The following RBPJ variants were observed in gnomAD, a reference collection of about 807,000 sequenced individuals.
RBPJ encodes the protein recombination signal binding protein for immunoglobulin kappa J region.
A neutral mutation model predicts 67.8 loss-of-function variants in RBPJ; 9 were observed. The ratio of observed to expected loss-of-function variants is 0.13; its 90% CI spans 0.08 to 0.23. The LOEUF (loss-of-function observed/expected upper bound fraction) is 0.23, where lower values mean the gene tolerates loss of function less well. Among genes scored for constraint, RBPJ ranks in the 10% least tolerant of loss-of-function variants. RBPJ has a pLI of 1.00. For missense variants in RBPJ, 305 were observed against 595.6 expected, an observed-to-expected ratio of 0.51 and a Z score of 5.08; for synonymous variants, 198 against 203.3, an observed-to-expected ratio of 0.97 and a Z score of 0.22.
At chr4:26,334,418 A>C (rs1724589689) in intron 1 of RBPJ, among the ~76,000 whole-genome samples, 1 of 150,586 alleles carries the variant, frequency 6.6e-6, no homozygotes, top group Non-Finnish European at 1.5e-5. Context: ...TTAGGTTTTT[A>C]AATTCTGTAT....
intron 1 of RBPJ, among the ~76,000 whole-genome samples, chr4:26,355,726 C>T (rs1226669260): frequency 5.3e-5 from 8 of 152,172 alleles, no homozygotes; most frequent in Admixed American, 1.3e-4. Context: ...TTATATAAAA[C>T]GTAAGTGAAG....
At chr4:26,279,523 G>T (rs143683649) in intron 1 of RBPJ, among the ~76,000 whole-genome samples, 1 of 152,110 alleles carries the variant, frequency 6.6e-6, no homozygotes, top group Non-Finnish European at 1.5e-5. Context: ...TGATCCACCC[G>T]CCTCGGCCTC....
At chr4:26,191,898 A>G (rs1021450056) in intron 1 of RBPJ, among the ~76,000 whole-genome samples, 1 of 152,196 alleles carries the variant, frequency 6.6e-6, no homozygotes, top group Non-Finnish European at 1.5e-5. Context: ...ATGCCAGCTA[A>G]GGGCCAACCT....
the RBPJ span, among the ~76,000 whole-genome samples, chr4:26,108,403 C>A: frequency 2.0e-5 from 3 of 152,186 alleles, no homozygotes; most frequent in Non-Finnish European, 4.4e-5. Flanking sequence ...AGCCTTGGTG[C>A]ATTCCATGAT....
the RBPJ span, among the ~76,000 whole-genome samples, chr4:26,145,558 T>A: frequency 6.6e-6 from 1 of 152,216 alleles, no homozygotes. Context: ...CCACGTAAGC[T>A]CTTTAGAGGC....
chr4:26,210,471 C>G (rs12648486), intron 1 of RBPJ, among the ~76,000 whole-genome samples: 1 of 151,914 alleles, frequency 6.6e-6, no homozygotes. Context: ...AAGCCATTCC[C>G]ATCGCATCAA....
At chr4:26,314,825 A>G (rs185943158), upstream of RBPJ, among the ~76,000 whole-genome samples, 1 of 152,184 alleles carries the variant, frequency 6.6e-6, no homozygotes, top group African/African-American at 2.4e-5. Flanking sequence ...TAGATGTTAT[A>G]TCCATTTTCA....
chr4:26,350,287 C>T, intron 1 of RBPJ, among the ~76,000 whole-genome samples: 1 of 152,136 alleles, frequency 6.6e-6, no homozygotes, highest in East Asian at 1.9e-4. Context: ...CTAGTTTCCC[C>T]ACTCTGCCCT....
chr4:26,320,418 C>T (rs1042539080), upstream of RBPJ: 2 of 344,738 alleles, frequency 5.8e-6, no homozygotes, highest in East Asian at 9.9e-5. Flanking sequence ...AAGACAGTCC[C>T]CGACGTGTCA....
intron 1 of RBPJ, among the ~76,000 whole-genome samples, chr4:26,336,655 CAAA>C (rs11394703): frequency 3.1e-4 from 43 of 138,002 alleles, no homozygotes; most frequent in African/African-American, 1.2e-3. Flanking sequence ...GTTTCTTTAC[CAAA>C]AAAAAAAAAA....
chr4:26,173,126 G>A (rs1398703046), intron 1 of RBPJ, among the ~76,000 whole-genome samples: 2 of 151,992 alleles, frequency 1.3e-5, no homozygotes, highest in African/African-American at 4.8e-5. Context: ...GGTATGTTGG[G>A]ATTTTTTCTT....
At chr4:26,267,065 C>T (rs759444145) in intron 1 of RBPJ, among the ~76,000 whole-genome samples, 11 of 152,176 alleles carry the variant, frequency 7.2e-5, no homozygotes, top group Non-Finnish European at 1.6e-4. Flanking sequence ...GTTGTCTCCT[C>T]TTTATTTCAA....
Position 26,322,601 on chromosome 4 carries a change from A to G in RBPJ, c.20+1553A>G, listed in dbSNP as rs533486388. Among the ~76,000 whole-genome samples the G allele has an allele frequency of 1.4e-4, 21 of 152,230 alleles. No individual in the cohort carries two copies. In the South Asian group the frequency reaches 3.9e-3, roughly 29 times the overall value. On this transcript the variant is annotated intron_variant, in intron 1 of 10. Transcript: ENST00000355476. ...TTTCTGGTCGATGAATACTGCTTCT[A>G]AGATCTTTGTGGAAGATATTAATCA...
chr4:26,179,051 A>G (rs1424379355), intron 1 of RBPJ, among the ~76,000 whole-genome samples: 1 of 151,996 alleles, frequency 6.6e-6, no homozygotes, highest in Admixed American at 6.6e-5. Context: ...ACGTCACAAC[A>G]CTCACCAGGG....
At chr4:26,340,872 G>GAA (rs535833238) in intron 1 of RBPJ, among the ~76,000 whole-genome samples, 1 of 115,490 alleles carries the variant, frequency 8.7e-6, no homozygotes, top group African/African-American at 3.2e-5. Context: ...AAAAACAAAA[G>GAA]AAAAAAAAAA....
chr4:26,176,786 G>C (rs1475120533), intron 1 of RBPJ, among the ~76,000 whole-genome samples: 1 of 152,234 alleles, frequency 6.6e-6, no homozygotes, highest in Non-Finnish European at 1.5e-5. Flanking sequence ...GCTGGCCCAA[G>C]GCCTAAGCCA....
chr4:26,187,872 A>C (rs1717330097), intron 1 of RBPJ, among the ~76,000 whole-genome samples: 1 of 152,104 alleles, frequency 6.6e-6, no homozygotes, highest in South Asian at 2.1e-4. Context: ...AAATACAAAA[A>C]AAAAATTAGC....
intron 1 of RBPJ, among the ~76,000 whole-genome samples, chr4:26,175,878 TCA>T (rs1343915620): frequency 5.9e-5 from 9 of 152,280 alleles, no homozygotes; most frequent in African/African-American, 1.9e-4. Flanking sequence ...ACCCACCTGC[TCA>T]CAGTCTTCAT....
intron 1 of RBPJ, among the ~76,000 whole-genome samples, chr4:26,375,699 C>T: frequency 6.6e-6 from 1 of 152,198 alleles, no homozygotes; most frequent in South Asian, 2.1e-4. Flanking sequence ...TCCATAATCA[C>T]ATTGTGGATT....
Sources: gnomAD v4.1 joint callset for allele counts (sites outside exome capture counted in the v4.1 genomes callset) on GRCh38, gnomAD v4.1.1 for gene constraint, MANE v1.5 for transcripts, NCBI Gene and HGNC (gene_info 2026-07-23, HGNC 2026-07-21) for gene names.